The following MKI67 variants were observed in gnomAD, a reference collection of about 807,000 sequenced individuals.
MKI67 encodes the protein marker of proliferation Ki-67, also known as proliferation marker protein Ki-67.
In MKI67, 152 loss-of-function variants were observed where a neutral mutation model predicts 233.5. That is an observed-to-expected ratio of 0.65 (90% CI 0.57 to 0.74). The LOEUF (loss-of-function observed/expected upper bound fraction) is 0.74, where lower values mean the gene tolerates loss of function less well. Among genes scored for constraint, MKI67 ranks in the 30% least tolerant of loss-of-function variants. The pLI, the probability that MKI67 is intolerant of heterozygous loss-of-function variation, is 0.00. For missense variants in MKI67, 3,940 were observed against 3,885.2 expected (o/e 1.01, Z -0.37); for synonymous variants, 1,465 against 1,418.5 (o/e 1.03, Z -0.74).
chr10:128,105,399 G>A lies in MKI67; in HGVS notation c.6441C>T (p.Asp2147=). Residue 2147 remains aspartate (D), a synonymous_variant, in exon 13 of 15, where the codon GAC becomes GAT. Transcript: ENST00000368654. Reference sequence around the variant, plus strand: ...CTTTATCCTCATCTCCTGGTACTTTGTCTGTGTGTGTGGTCTGTGTGAGCT... The same window carrying A: ...CTTTATCCTCATCTCCTGGTACTTTATCTGTGTGTGTGGTCTGTGTGAGCT... ...LKQLTQTTHT[D]KVPGDEDKGI... is the part of the protein sequence containing the mutation. The A allele has an allele frequency of 6.2e-7, 1 of 1,614,146 alleles. No homozygotes were observed. The highest frequency in any genetic ancestry group is 1.3e-5 in the African/African-American group (1 of 75,020).
At chr10:128,100,499 T>C (rs1435078916) in intron 14 of MKI67, among the ~76,000 whole-genome samples, 2 of 152,220 alleles carry the variant, frequency 1.3e-5, no homozygotes, top group Non-Finnish European at 2.9e-5. Flanking sequence ...AATATGGTAG[T>C]TTTAGGTCCA....
Position 128,103,848 on chromosome 10 carries a change from TCTC to T in MKI67, c.7989_7991del (p.Arg2665del), listed in dbSNP as rs1386111730. 5.0e-6 allele frequency: 8 copies of T among 1,613,952 alleles called. No homozygotes were observed. Among genetic ancestry groups the T allele is most frequent in the East Asian group, 2.2e-5 (1 of 44,870 alleles). ...CCTTTTCCTTAGGTGCTCTTGGCCT[TCTC>T]CTGCTGGGTTCCTCTTCTACTGGGT... is the stretch of plus-strand genomic sequence containing the variant. On this transcript the variant is annotated inframe_deletion, in exon 13 of 15. Transcript: ENST00000368654.
At chr10:128,120,551 A>C (rs966835329) in intron 4 of MKI67, among the ~76,000 whole-genome samples, 7 of 152,118 alleles carry the variant, frequency 4.6e-5, no homozygotes, top group Non-Finnish European at 8.8e-5. Flanking sequence ...TCCTACATAG[A>C]AGTCTGTATT....
chr10:128,107,584 T>A lies in MKI67; in HGVS notation c.4256A>T (p.His1419Leu). The change falls in exon 13 of 15, where the codon CAC (histidine) becomes CTC (leucine). Residue 1419 changes from histidine to leucine, a missense_variant. Physicochemically the swap from His to Leu is moderately conservative, Grantham distance 99. Coordinates refer to ENST00000368654, the MANE Select transcript of MKI67 (RefSeq NM_002417.5). Reference sequence around the variant, plus strand: ...CTCACCTCCTGGTACTTTATCTGTGTGTGTGGTTTCCCCTGATGTCTGTGT... The same window carrying A: ...CTCACCTCCTGGTACTTTATCTGTGAGTGTGGTTTCCCCTGATGTCTGTGT... The part of the protein sequence containing the change: ...KLTQTSGETT[H>L]TDKVPGGEDK... 6.2e-7 allele frequency: 1 copy of A among 1,614,168 alleles called. No individual in the cohort carries two copies. Among genetic ancestry groups the A allele is most frequent in the Non-Finnish European group, 8.5e-7 (1 of 1,180,036 alleles).
In MKI67 at chr10:128,124,997, C is replaced by T. The variant is rs545130693; in HGVS notation, c.92+579G>A. Among the ~76,000 whole-genome samples the T allele has an allele frequency of 2.0e-5, 3 of 152,228 alleles. No individual in the cohort carries two copies. The East Asian group carries it at 5.8e-4, about 29-fold the overall frequency. On this transcript the variant is annotated intron_variant, in intron 2 of 14. Coordinates refer to ENST00000368654, the MANE Select transcript of MKI67 (RefSeq NM_002417.5). ...AAATGACCACACGGGAAATGACCCC[C>T]CTTCTCAGGCCTCTAGTGGGACACA... is the stretch of plus-strand genomic sequence containing the variant.
In MKI67 at chr10:128,114,992, T is replaced by C; in HGVS notation, c.1416A>G (p.Gly472=). 2 of 1,608,080 alleles carry C rather than the reference T, an allele frequency of 1.2e-6. No individual in the cohort carries two copies. The highest frequency in any genetic ancestry group is 1.7e-6 in the Non-Finnish European group (2 of 1,174,766). Residue 472 remains glycine, a synonymous_variant, in exon 7 of 15, where the codon GGA becomes GGG. Coordinates refer to ENST00000368654, the MANE Select transcript of MKI67 (RefSeq NM_002417.5). The part of the protein sequence containing the change: ...SKPEKLGTTA[G]QMCSGLPGLS... ...GACCAGGTAACCCAGAGCACATCTG[T>C]CCAGCTGTAGTGCCCAATTTCTCAG...
At chr10:128,099,932 T>C (rs11016069) in intron 14 of MKI67, among the ~76,000 whole-genome samples, 1,724 of 152,330 alleles carry the variant, frequency 0.011, 73 homozygotes, top group East Asian at 0.087. Flanking sequence ...TTGGGCCTGG[T>C]TGCTCTGTGT....
At chr10:128,123,218 G>A in intron 2 of MKI67, 49 bp from the exon 3 acceptor site, 1 of 1,285,586 alleles carries the variant, frequency 7.8e-7, no homozygotes, top group Non-Finnish European at 1.1e-6. Context: ...CTTTTTAAAA[G>A]ATTACCTCAA....
In MKI67 at chr10:128,097,769, T is replaced by C. The variant is rs1400459345; in HGVS notation, c.*1421A>G. 6.6e-6 allele frequency: 1 copy of C among 152,482 alleles called. No homozygotes were observed. Among genetic ancestry groups the C allele is most frequent in the Non-Finnish European group, 1.5e-5 (1 of 68,206 alleles). The allele number at this position is 152,482 out of a possible 1,614,324, so 9.4% of individuals were successfully genotyped here. A position where few individuals can be genotyped will look rare whatever the true frequency, so the allele number is the denominator to read the frequency against. On this transcript the variant is annotated 3_prime_UTR_variant, in exon 15 of 15. Coordinates refer to ENST00000368654, the MANE Select transcript of MKI67 (RefSeq NM_002417.5). ...TTTGCAGCCCTGTGAAGCCCTCAGA[T>C]GTCCCCTCCCTGCCCCTTTCTATTC...
chr10:128,107,767 T>G lies in MKI67; in HGVS notation c.4073A>C (p.His1358Pro), dbSNP rs917447347. The G allele has an allele frequency of 1.9e-6, 3 of 1,613,736 alleles. No homozygotes were observed. Among genetic ancestry groups the G allele is most frequent in the Admixed American group, 1.7e-5 (1 of 59,974 alleles). ...GCCAGCAGCCACTGCTTCTTCAGTATGACCAGGGGTCTGGAAGAGCTCTTT... is the reference window on the plus strand; with the variant it reads ...GCCAGCAGCCACTGCTTCTTCAGTAGGACCAGGGGTCTGGAAGAGCTCTTT... ...GFKELFQTPG[H>P]TEEAVAAGKT... is the part of the protein sequence containing the mutation. The change falls in exon 13 of 15, where the codon CAT becomes CCT. Residue 1358 changes from histidine (H) to proline (P), a missense_variant. His to Pro is a moderately conservative substitution (Grantham distance 77, BLOSUM62 -2). Transcript: ENST00000368654.
In MKI67 at chr10:128,103,717, G is replaced by T. The variant is rs778983836; in HGVS notation, c.8123C>A (p.Ser2708Tyr). Reference protein sequence around the residue: ...AGKATKIPCESPPLEVVDTTA... With the variant: ...AGKATKIPCEYPPLEVVDTTA... ...GGTGTCTACCACTTCTAGTGGGGGAGATTCGCAGGGTATTTTAGTGGCTTT... is the reference window on the plus strand; with the variant it reads ...GGTGTCTACCACTTCTAGTGGGGGATATTCGCAGGGTATTTTAGTGGCTTT... Residue 2708 changes from serine to tyrosine, a missense_variant, in exon 13 of 15, where the codon TCT becomes TAT. Coordinates refer to ENST00000368654, the MANE Select transcript of MKI67 (RefSeq NM_002417.5). 3 of 1,613,984 alleles carry T rather than the reference G, an allele frequency of 1.9e-6. No homozygotes were observed. In the African/African-American group the frequency reaches 4.0e-5, roughly 22 times the overall value.
chr10:128,105,829 C>T lies in MKI67; in HGVS notation c.6011G>A (p.Gly2004Glu). 6.2e-7 allele frequency: 1 copy of T among 1,614,128 alleles called. No homozygotes were observed. The highest frequency in any genetic ancestry group is 8.5e-7 in the Non-Finnish European group (1 of 1,180,040). ...SSKQRLKISL[G>E]KVGVKEEVLP... Reference sequence around the variant, plus strand: ...GACCTCTTCTTTCACACCTACTTTCCCCAAGGATATCTTGAGTCGTTGCTT... The same window carrying T: ...GACCTCTTCTTTCACACCTACTTTCTCCAAGGATATCTTGAGTCGTTGCTT... The change falls in exon 13 of 15, where the codon GGG becomes GAG. Residue 2004 changes from glycine to glutamate, a missense_variant. Transcript: ENST00000368654.
chr10:128,111,547 T>A, intron 11 of MKI67, 98 bp downstream of exon 11: 42 of 904,326 alleles, frequency 4.6e-5, no homozygotes, highest in East Asian at 5.5e-5. Flanking sequence ...TTTTATAATC[T>A]CTTTCACAGC....
In MKI67 at chr10:128,102,670, T is replaced by C; in HGVS notation, c.9170A>G (p.Lys3057Arg). 1 of 1,614,240 alleles carries C rather than the reference T, an allele frequency of 6.2e-7. No homozygotes were observed. The highest frequency in any genetic ancestry group is 2.2e-5 in the East Asian group (1 of 44,886). The change falls in exon 13 of 15, where the codon AAA becomes AGA. Residue 3057 changes from lysine (K) to arginine (R), a missense_variant. Lys to Arg is a conservative substitution (Grantham distance 26, BLOSUM62 2). Transcript: ENST00000368654. The stretch of plus-strand genomic sequence containing the variant: ...CAGCTCTTCCGCAGGTTCAATTCTT[T>C]TTGCAGAAGTCCTCAAACTTCTCTT... ...IMKRSLRTSA[K>R]RIEPAEELNS... is the part of the protein sequence containing the mutation.
intron 5 of MKI67, among the ~76,000 whole-genome samples, chr10:128,118,515 T>C (rs1852855101): frequency 6.6e-6 from 1 of 151,586 alleles, no homozygotes; most frequent in South Asian, 2.1e-4. Flanking sequence ...CATCTGAAAC[T>C]AGCTTTAGGA....
At position 128,107,833 on chromosome 10, in the gene MKI67, G is replaced by A. The variant is rs191231211; in HGVS notation, c.4007C>T (p.Pro1336Leu). ...TTCCAGAGCCTGGGCCTCTTCCTTA[G>A]GAGTTTGTGGCCGTCTCTTGCTGCC... Reference protein sequence around the residue: ...LTGSKRRPQTPKEEAQALEDL... With the variant: ...LTGSKRRPQTLKEEAQALEDL... Residue 1336 changes from proline (P) to leucine (L), a missense_variant, in exon 13 of 15, where the codon CCT (proline) becomes CTT (leucine). Transcript: ENST00000368654. 1 of 1,613,680 alleles carries A rather than the reference G, an allele frequency of 6.2e-7. No homozygotes were observed. The highest frequency in any genetic ancestry group is 1.3e-5 in the African/African-American group (1 of 74,838).
At chr10:128,124,308 C>T (rs2782858) in intron 2 of MKI67, among the ~76,000 whole-genome samples, 1 of 152,146 alleles carries the variant, frequency 6.6e-6, no homozygotes, top group African/African-American at 2.4e-5. Context: ...GGCAGGAGGA[C>T]GACTATAGAT....
At position 128,112,265 on chromosome 10, in the gene MKI67, C is replaced by A. The variant is rs1565010147; in HGVS notation, c.1837G>T (p.Val613Phe). The change falls in exon 9 of 15, where the codon GTT (valine) becomes TTT (phenylalanine). Residue 613 changes from valine to phenylalanine, a missense_variant. Transcript: ENST00000368654. ...PASSSKSQTE[V>F]PKRGGRKSGN... ...CTCTTTCTCCCTCCTCTCTTAGGAA[C>A]CTCTGTCTGAGATTTGCTGCTGGAA... The A allele has an allele frequency of 1.2e-6, 2 of 1,614,222 alleles. No homozygotes were observed. Among genetic ancestry groups the A allele is most frequent in the Non-Finnish European group, 8.5e-7 (1 of 1,180,048 alleles).
rs747351427 is a variant in MKI67 at position 128,115,661 on chromosome 10, A to G, written c.747T>C (p.Asp249=). 4 of 1,613,530 alleles carry G rather than the reference A, an allele frequency of 2.5e-6. No individual in the cohort carries two copies. The African/African-American group carries it at 4.0e-5, about 16-fold the overall frequency. The change falls in exon 7 of 15, where the codon GAT becomes GAC. Residue 249 remains aspartate, a synonymous_variant. Transcript: ENST00000368654. Reference sequence around the variant, plus strand: ...GGACATTTTCTTTTTGTGATTTTACATCCAACTCTTTCTTCACTGACTCAT... The same window carrying G: ...GGACATTTTCTTTTTGTGATTTTACGTCCAACTCTTTCTTCACTGACTCAT... ...KLYESVKKEL[D]VKSQKENVLQ... is the part of the protein sequence containing the mutation.
Sources: gnomAD v4.1 joint callset for allele counts (sites outside exome capture counted in the v4.1 genomes callset) on GRCh38, gnomAD v4.1.1 for gene constraint, MANE v1.5 for transcripts, NCBI Gene and HGNC (gene_info 2026-07-23, HGNC 2026-07-21) for gene names.